The following SLC2A6 variants were observed in gnomAD, a reference collection of about 807,000 sequenced individuals.
SLC2A6 encodes solute carrier family 2 member 6, also known as solute carrier family 2, facilitated glucose transporter member 6.
Under a neutral mutation model 47.8 loss-of-function variants are expected in SLC2A6, and 39 were observed. The observed-to-expected ratio is 0.82, with a 90% CI of 0.63 to 1.07. The LOEUF is 1.07. SLC2A6 is among the 50% of genes least tolerant of loss of function. SLC2A6 has a pLI of 0.00. For synonymous variants in SLC2A6, 346 were observed against 324.1 expected (o/e 1.07, Z -0.73); for missense variants, 650 against 707.6 (o/e 0.92, Z 0.92).
chr9:133,476,429 A>G (rs1554803403), intron 3 of SLC2A6, 93 bp from the exon 4 acceptor site: 13 of 1,088,052 alleles, frequency 1.2e-5, no homozygotes, highest in Non-Finnish European at 1.8e-5. Context: ...GAACCCCGGA[A>G]AGTGGGAAGT....
chr9:133,477,054 A>C lies in SLC2A6; in HGVS notation c.443T>G (p.Leu148Arg). The stretch of plus-strand genomic sequence containing the variant: ...CCTTACCGGGATGCAGGCAGCTGTG[A>C]GCCCCCCGGCGAAGCCCGTCAGCGT... ...GRTLTGFAGG[L>R]TAACIPVYVS... The change falls in exon 3 of 10, where the codon CTC (leucine) becomes CGC (arginine). Residue 148 changes from leucine to arginine, a missense_variant. Leu to Arg is a moderately radical substitution (Grantham distance 102). Coordinates refer to ENST00000371899, the MANE Select transcript of SLC2A6 (RefSeq NM_017585.4). The C allele has an allele frequency of 9.7e-6, 15 of 1,547,118 alleles. No homozygotes were observed. Among genetic ancestry groups the C allele is most frequent in the African/African-American group, 1.4e-5 (1 of 72,994 alleles).
chr9:133,477,879 A>G (rs1257853472), intron 2 of SLC2A6, among the ~76,000 whole-genome samples: 2 of 152,202 alleles, frequency 1.3e-5, no homozygotes, highest in East Asian at 3.9e-4. Flanking sequence ...CCTCTCCATC[A>G]GCCCACAATC....
rs149329547 is a variant in SLC2A6, at chr9:133,475,447, C to T, written c.727G>A (p.Asp243Asn). ...ATCTGCTCGAACTCCCAGTGGACATCGACGTCCGTCCCACGCAGCCAGGCC... is the reference window on the plus strand; with the variant it reads ...ATCTGCTCGAACTCCCAGTGGACATTGACGTCCGTCCCACGCAGCCAGGCC... The part of the protein sequence containing the change: ...ALAWLRGTDV[D>N]VHWEFEQIQD... Residue 243 changes from aspartate to asparagine, a missense_variant, in exon 5 of 10, where the codon GAT (aspartate) becomes AAT (asparagine). Physicochemically the swap from Asp to Asn is conservative, Grantham distance 23. Transcript: ENST00000371899. 5.7e-4 allele frequency: 923 copies of T among 1,611,348 alleles called. 6 individuals carry two copies. In the Middle Eastern group the frequency reaches 6.7e-3, roughly 12 times the overall value.
At position 133,471,826 on chromosome 9, in the gene SLC2A6, G is replaced by A. The variant is rs1843726547; in HGVS notation, c.*195C>T. 1 of 616,408 alleles carries A rather than the reference G, an allele frequency of 1.6e-6. No homozygotes were observed. Among genetic ancestry groups the A allele is most frequent in the African/African-American group, 1.9e-5 (1 of 54,040 alleles). 38.2% of individuals were successfully genotyped at this position (616,408 alleles called of 1,614,324 possible). A position where few individuals can be genotyped will look rare whatever the true frequency, so the allele number is the denominator to read the frequency against. On this transcript the variant is annotated 3_prime_UTR_variant, in exon 10 of 10. Coordinates refer to ENST00000371899, the MANE Select transcript of SLC2A6 (RefSeq NM_017585.4). ...GCAGCACTGTGGGCTGCCTGGGCTG[G>A]GGCTGTGGCTGGACAGCAGTGCTAC...
chr9:133,476,892 G>T, intron 3 of SLC2A6, 143 bp downstream of exon 3: 1 of 906,404 alleles, frequency 1.1e-6, no homozygotes, highest in Non-Finnish European at 1.7e-6. Flanking sequence ...CTGGGGGTGA[G>T]CTGAGGCGCC....
In SLC2A6 at chr9:133,476,251, G is replaced by A. The variant is rs1588244962; in HGVS notation, c.548C>T (p.Ser183Phe). The A allele has an allele frequency of 6.2e-7, 1 of 1,612,762 alleles. No homozygotes were observed. The highest frequency in any genetic ancestry group is 1.1e-5 in the South Asian group (1 of 91,072). ...PQLMAVFGSL[S>F]LYALGLLLPW... ...GCCATACTTGCCAAGGGCGTAGAGGGACAGGGATCCGAACACTGCCATGAG... is the reference window on the plus strand; with the variant it reads ...GCCATACTTGCCAAGGGCGTAGAGGAACAGGGATCCGAACACTGCCATGAG... The change falls in exon 4 of 10, where the codon TCC (serine) becomes TTC (phenylalanine). Residue 183 changes from serine to phenylalanine, a missense_variant. Coordinates refer to ENST00000371899, the MANE Select transcript of SLC2A6 (RefSeq NM_017585.4).
chr9:133,477,809 A>G (rs587679242), intron 2 of SLC2A6, among the ~76,000 whole-genome samples: 1 of 152,364 alleles, frequency 6.6e-6, no homozygotes, highest in Non-Finnish European at 1.5e-5. Flanking sequence ...TACTATGTTA[A>G]CAACTCTACA....
At chr9:133,476,787 T>A (rs1327929239) in intron 3 of SLC2A6, among the ~76,000 whole-genome samples, 2 of 152,154 alleles carry the variant, frequency 1.3e-5, no homozygotes, top group African/African-American at 4.8e-5. Flanking sequence ...GAGTAATACA[T>A]CTGACCGGTC....
intron 4 of SLC2A6, 144 bp downstream of exon 4, chr9:133,476,093 C>T (rs1843936934): frequency 1.5e-6 from 1 of 664,448 alleles, no homozygotes; most frequent in Non-Finnish European, 2.5e-6. Context: ...AAGGTGCTGA[C>T]TGAGTGGGGC....
In SLC2A6 at chr9:133,475,394, C is replaced by T. The variant is rs782325437; in HGVS notation, c.774+6G>A. On this transcript the variant is annotated splice_donor_region_variant and intron_variant, in intron 5 of 9. Coordinates refer to ENST00000371899, the MANE Select transcript of SLC2A6 (RefSeq NM_017585.4). ...CTGCCCGGTTCGGGCGCACACCCTC[C>T]TGCACCTGTCTCCGGACGTTGTCCT... The T allele has an allele frequency of 1.9e-6, 3 of 1,592,848 alleles. No homozygotes were observed. Among genetic ancestry groups the T allele is most frequent in the South Asian group, 2.2e-5 (2 of 89,176 alleles).
chr9:133,473,385 C>T (rs1554802244), intron 8 of SLC2A6, 30 bp downstream of exon 8: 10 of 1,557,570 alleles, frequency 6.4e-6, no homozygotes, highest in Non-Finnish European at 7.8e-6. Flanking sequence ...CCCAAGACAG[C>T]CTGCCCCTCT....
chr9:133,475,716 G>T, intron 4 of SLC2A6, 105 bp from the exon 5 acceptor site: 1 of 1,052,426 alleles, frequency 9.5e-7, no homozygotes, highest in Non-Finnish European at 1.3e-6. Flanking sequence ...TAGTCCAAGG[G>T]CCATCTCCTA....
At position 133,472,980 on chromosome 9, in the gene SLC2A6, C is replaced by T. The variant is rs587636139; in HGVS notation, c.1368+125G>A. On this transcript the variant is annotated intron_variant, in intron 9 of 9. Coordinates refer to ENST00000371899, the MANE Select transcript of SLC2A6 (RefSeq NM_017585.4). ...TCTCTGAGTTCAGGGGGTGTGTGCT[C>T]ATCTCCTAGGGTCACTGAGAGTTAG... 2.0e-5 allele frequency: 21 copies of T among 1,029,720 alleles called. No homozygotes were observed. The East Asian group carries it at 4.6e-4, about 23-fold the overall frequency. The allele number at this position is 1,029,720 out of a possible 1,614,324, so 63.8% of individuals were successfully genotyped here. A position where few individuals can be genotyped will look rare whatever the true frequency, so the allele number is the denominator to read the frequency against.
chr9:133,475,187 G>C, intron 5 of SLC2A6, 74 bp from the exon 6 acceptor site: 2 of 1,440,926 alleles, frequency 1.4e-6, no homozygotes, highest in Non-Finnish European at 1.8e-6. Context: ...TGGACCGCCA[G>C]GGGTTGTGTG....
At position 133,473,179 on chromosome 9, in the gene SLC2A6, C is replaced by T. The variant is rs1205316082; in HGVS notation, c.1294G>A (p.Val432Met). ...GCCAGCACGCAGAGCCCTGAGGCCA[C>T]GCCACGGGCACGCAGGGGCAGGACC... ...SEVLPLRARG[V>M]ASGLCVLASW... The change falls in exon 9 of 10, where the codon GTG (valine) becomes ATG (methionine). Residue 432 changes from valine to methionine, a missense_variant. Val to Met is a conservative substitution (Grantham distance 21). Coordinates refer to ENST00000371899, the MANE Select transcript of SLC2A6 (RefSeq NM_017585.4). The T allele has an allele frequency of 2.5e-6, 4 of 1,609,830 alleles. No individual in the cohort carries two copies. In the South Asian group the frequency reaches 3.3e-5, roughly 13 times the overall value.
Position 133,471,973 on chromosome 9 carries a change from G to C in SLC2A6, c.*48C>G, listed in dbSNP as rs782034358. The C allele has an allele frequency of 1.3e-6, 2 of 1,588,504 alleles. No homozygotes were observed. Among genetic ancestry groups the C allele is most frequent in the East Asian group, 4.5e-5 (2 of 44,488 alleles). ...AGGGTGCAGGTTTGTAGCCAACACA[G>C]AGGCCCAGCCACTGGGGGTTTGGCC... is the stretch of plus-strand genomic sequence containing the variant. On this transcript the variant is annotated 3_prime_UTR_variant, in exon 10 of 10. Transcript: ENST00000371899.
intron 8 of SLC2A6, 51 bp from the exon 9 acceptor site, chr9:133,473,301 C>T (rs1554802228): frequency 4.5e-6 from 7 of 1,546,838 alleles, no homozygotes; most frequent in Non-Finnish European, 5.2e-6. Context: ...CTGGAGGCGG[C>T]TGTGTCTGTC....
In SLC2A6 at chr9:133,478,286, G is replaced by A. The variant is rs35885350; in HGVS notation, c.223C>T (p.His75Tyr). 3,584 of 1,614,082 alleles carry A rather than the reference G, an allele frequency of 2.2e-3. 74 individuals carry two copies. The African/African-American group carries it at 0.042, about 19-fold the overall frequency. The change falls in exon 2 of 10, where the codon CAT becomes TAT. Residue 75 changes from histidine (H) to tyrosine (Y), a missense_variant. Physicochemically the swap from His to Tyr is moderately conservative, Grantham distance 83. Coordinates refer to ENST00000371899, the MANE Select transcript of SLC2A6 (RefSeq NM_017585.4). ...CAGGATGCCTGGGATTTGGTCAGAT[G>A]CAGGTCAGGATCCAAGGAGCGCTCC... ...ALERSLDPDLHLTKSQASWFG... is the reference protein window; with the variant it reads ...ALERSLDPDLYLTKSQASWFG...
At chr9:133,472,287 G>C (rs779363429) in intron 9 of SLC2A6, 111 bp from the exon 10 acceptor site, 34 of 1,279,780 alleles carry the variant, frequency 2.7e-5, no homozygotes, top group Non-Finnish European at 2.7e-5. Context: ...GCCTTCATCT[G>C]GTCCTTCCTG....
Sources: gnomAD v4.1 joint callset for allele counts (sites outside exome capture counted in the v4.1 genomes callset) on GRCh38, gnomAD v4.1.1 for gene constraint, MANE v1.5 for transcripts, NCBI Gene and HGNC (gene_info 2026-07-23, HGNC 2026-07-21) for gene names.